CADPS: variants seen among roughly 807,000 people sequenced by gnomAD.
CADPS encodes the protein calcium-dependent secretion activator 1.
A neutral mutation model predicts 167.3 loss-of-function variants in CADPS; 57 were observed. That is an observed-to-expected ratio of 0.34 (90% CI 0.28 to 0.42). CADPS has a LOEUF of 0.42. CADPS is among the 20% of genes least tolerant of loss of function. The probability of loss-of-function intolerance (pLI) is 1.00; values close to 1 mark genes in which losing one functional copy is unlikely to be tolerated. For missense variants in CADPS, 1,414 were observed against 1,738.1 expected (o/e 0.81, Z 3.32); for synonymous variants, 676 against 635.3 (o/e 1.06, Z -0.96).
intron 11 of CADPS, among the ~76,000 whole-genome samples, chr3:62,543,928 C>T (rs833672): frequency 0.31 from 46,870 of 151,846 alleles, 9,822 homozygotes; most frequent in African/African-American, 0.61. Context: ...GTTTTAATGT[C>T]TCCTTTTTCT....
At chr3:62,547,019 C>T (rs950999869) in intron 11 of CADPS, among the ~76,000 whole-genome samples, 28 of 152,244 alleles carry the variant, frequency 1.8e-4, no homozygotes, top group African/African-American at 5.1e-4. Flanking sequence ...TTTGTAGATG[C>T]TCAGGCATAA....
intron 3 of CADPS, among the ~76,000 whole-genome samples, chr3:62,736,876 C>T (rs1038655766): frequency 2.6e-5 from 4 of 152,200 alleles, no homozygotes; most frequent in South Asian, 2.1e-4. Context: ...CAGTGGCTCA[C>T]GCCTGTAATC....
At position 62,602,637 on chromosome 3, in the gene CADPS, C is replaced by T. The variant is rs1371403521; in HGVS notation, c.1326-9889G>A. On this transcript the variant is annotated intron_variant, in intron 6 of 29. Coordinates refer to ENST00000383710, the MANE Select transcript of CADPS (RefSeq NM_003716.4). The surrounding 1 kb of genome is among the most constrained non-coding windows in gnomAD (Gnocchi z 4.4). ...GCTGGGCTTTGGGTTCTTTAGTGTACTAGAAAAGCTAAGCTACCTCTCATC... is the reference window on the plus strand; with the variant it reads ...GCTGGGCTTTGGGTTCTTTAGTGTATTAGAAAAGCTAAGCTACCTCTCATC... Among the ~76,000 whole-genome samples the T allele has an allele frequency of 6.6e-6, 1 of 152,200 alleles. No homozygotes were observed. The highest frequency in any genetic ancestry group is 2.4e-5 in the African/African-American group (1 of 41,536).
chr3:62,707,218 C>T (rs2082474833), intron 3 of CADPS, among the ~76,000 whole-genome samples: 1 of 152,072 alleles, frequency 6.6e-6, no homozygotes, highest in African/African-American at 2.4e-5. Flanking sequence ...AGCGCGAACC[C>T]TATTGTGAAC....
At chr3:62,843,988 C>T (rs1403090895) in intron 1 of CADPS, among the ~76,000 whole-genome samples, 1 of 152,162 alleles carries the variant, frequency 6.6e-6, no homozygotes, top group Non-Finnish European at 1.5e-5. Context: ...AAAATCTAGT[C>T]CCTTGGCAAG....
chr3:62,730,307 TAGA>T (rs2077526759), intron 3 of CADPS, among the ~76,000 whole-genome samples: 1 of 152,164 alleles, frequency 6.6e-6, no homozygotes. Flanking sequence ...TTGTCACCAA[TAGA>T]AGGTTATGCT....
At chr3:62,650,700 C>T (rs1034319180) in intron 5 of CADPS, 147 bp downstream of exon 5, 12 of 603,792 alleles carry the variant, frequency 2.0e-5, no homozygotes, top group Non-Finnish European at 3.5e-5. Context: ...GAATCACTTG[C>T]TGATTAGCTG....
intron 26 of CADPS, among the ~76,000 whole-genome samples, chr3:62,448,028 G>A (rs932729816): frequency 2.6e-5 from 4 of 152,114 alleles, no homozygotes; most frequent in Admixed American, 2.6e-4. Flanking sequence ...AATCGAGAAC[G>A]TAAAACCCAT....
intron 1 of CADPS, among the ~76,000 whole-genome samples, chr3:62,769,698 A>C (rs1443574608): frequency 6.6e-6 from 1 of 152,096 alleles, no homozygotes; most frequent in Non-Finnish European, 1.5e-5. Flanking sequence ...CTATGGGTGC[A>C]TGTTTTATGT....
At chr3:62,517,084 T>C (rs750982475) in intron 14 of CADPS, among the ~76,000 whole-genome samples, 2 of 152,198 alleles carry the variant, frequency 1.3e-5, no homozygotes, top group Admixed American at 6.6e-5. Context: ...AAATTCATGA[T>C]TCTGCTAGCT....
chr3:62,565,465 C>A (rs1022720609), intron 9 of CADPS, among the ~76,000 whole-genome samples: 10 of 152,152 alleles, frequency 6.6e-5, no homozygotes, highest in African/African-American at 2.4e-4. Flanking sequence ...CTTTGGACCA[C>A]CTGCATCAGT....
chr3:62,413,808 T>A (rs1048099528), intron 28 of CADPS, among the ~76,000 whole-genome samples: 9 of 152,078 alleles, frequency 5.9e-5, no homozygotes, highest in Admixed American at 2.0e-4. Flanking sequence ...TCACTTCCCA[T>A]ACTTAAAACG....
intron 3 of CADPS, among the ~76,000 whole-genome samples, chr3:62,729,752 G>T (rs1027057176): frequency 3.3e-5 from 5 of 151,776 alleles, no homozygotes; most frequent in Non-Finnish European, 5.9e-5. Context: ...GGGTAACCTT[G>T]TATATCCTGC....
rs561640335 is a variant in CADPS at position 62,846,958 on chromosome 3, C to T, written c.441+27631G>A. Among the ~76,000 whole-genome samples, 111 of 152,198 alleles carry T rather than the reference C, an allele frequency of 7.3e-4. 1 individual carries two copies. The highest frequency in any genetic ancestry group is 2.5e-3 in the African/African-American group (103 of 41,532). ...GCTGGGATTACAGGCATGAGCCACT[C>T]GCCCGGCTGGAGGTGGGTCTTTTAG... is the stretch of plus-strand genomic sequence containing the variant. On this transcript the variant is annotated intron_variant, in intron 1 of 29. Coordinates refer to ENST00000383710, the MANE Select transcript of CADPS (RefSeq NM_003716.4).
At chr3:62,653,861 G>A (rs1177035249) in intron 4 of CADPS, among the ~76,000 whole-genome samples, 1 of 151,992 alleles carries the variant, frequency 6.6e-6, no homozygotes, top group African/African-American at 2.4e-5. Context: ...GTTCCTTCTG[G>A]AACTTCTTAG....
chr3:62,632,688 C>G (rs1262389609), intron 6 of CADPS, among the ~76,000 whole-genome samples: 1 of 152,066 alleles, frequency 6.6e-6, no homozygotes, highest in Non-Finnish European at 1.5e-5. Flanking sequence ...ACCTCCCTAC[C>G]TAGCAGCAAG....
At chr3:62,453,838 G>T (rs17066412) in intron 26 of CADPS, among the ~76,000 whole-genome samples, 35 of 152,168 alleles carry the variant, frequency 2.3e-4, no homozygotes, top group Admixed American at 2.3e-3. Flanking sequence ...TTTGCTTACC[G>T]AACGTCAGTA....
intron 1 of CADPS, among the ~76,000 whole-genome samples, chr3:62,856,977 GTAGA>G (rs57298861): frequency 0.046 from 6,952 of 151,918 alleles, 177 homozygotes; most frequent in East Asian, 0.088. Flanking sequence ...AAGAGGAAAA[GTAGA>G]TAGATTTTAC....
chr3:62,723,944 G>C (rs2076280150), intron 3 of CADPS, among the ~76,000 whole-genome samples: 1 of 152,208 alleles, frequency 6.6e-6, no homozygotes, highest in South Asian at 2.1e-4. Flanking sequence ...GGTGGAGGAA[G>C]AGCACTGGGT....
Sources: allele counts gnomAD v4.1 joint callset (sites outside exome capture counted in the v4.1 genomes callset), GRCh38; gene constraint gnomAD v4.1.1; non-coding constraint Gnocchi (gnomAD v3.1); transcripts MANE v1.5; gene names NCBI Gene and HGNC (gene_info 2026-07-23, HGNC 2026-07-21).